Variants in AGBL4 observed in about 807,000 individuals in gnomAD.
The protein encoded by AGBL4 is cytosolic carboxypeptidase 6.
In AGBL4, 58 loss-of-function variants were observed where a neutral mutation model predicts 66.4. The ratio of observed to expected loss-of-function variants is 0.87; its 90% CI spans 0.71 to 1.09. AGBL4 has a LOEUF of 1.09. Ranked by LOEUF, AGBL4 falls within the 50% of genes least tolerant of loss-of-function variation. AGBL4 has a pLI of 0.00. For synonymous variants in AGBL4, 234 were observed against 222.9 expected (o/e 1.05, Z -0.44); for missense variants, 579 against 631.0 (o/e 0.92, Z 0.88).
chr1:48,576,734 G>A (rs942124458), intron 11 of AGBL4, among the ~76,000 whole-genome samples: 8 of 152,134 alleles, frequency 5.3e-5, no homozygotes, highest in South Asian at 2.1e-4. Flanking sequence ...TCCCAGGGTC[G>A]TTGACATAAC....
chr1:48,569,238 C>T (rs147170709), intron 11 of AGBL4, among the ~76,000 whole-genome samples: 14 of 152,308 alleles, frequency 9.2e-5, no homozygotes, highest in South Asian at 4.2e-4. Flanking sequence ...AATGTCTGAT[C>T]AGGGAAGAAT....
rs1465749349 is a variant in AGBL4, at chr1:49,561,878, G to T, written c.282+135435C>A. 2.0e-5 allele frequency among the ~76,000 whole-genome samples: 3 copies of T among 152,028 alleles called. No homozygotes were observed. In the East Asian group the frequency reaches 5.8e-4, roughly 29 times the overall value. On this transcript the variant is annotated intron_variant, in intron 3 of 13. Coordinates refer to ENST00000371839, the MANE Select transcript of AGBL4 (RefSeq NM_032785.4). ...TCTAGTTCTAGATCCCTGAGGAATT[G>T]CCACACTGACTTCCACAATGGTTGA...
chr1:49,896,209 A>G (rs1208654998), intron 1 of AGBL4, among the ~76,000 whole-genome samples: 1 of 152,126 alleles, frequency 6.6e-6, no homozygotes, highest in Non-Finnish European at 1.5e-5. Flanking sequence ...ATATGTACCC[A>G]ATATTGGAGA....
At position 49,214,540 on chromosome 1, in the gene AGBL4, G is replaced by C. The variant is rs1014077186; in HGVS notation, c.377+31230C>G. 2.0e-5 allele frequency among the ~76,000 whole-genome samples: 3 copies of C among 152,072 alleles called. No individual in the cohort carries two copies. In the East Asian group the frequency reaches 5.8e-4, roughly 29 times the overall value. ...GCTCAACATGTTGAGATACAGACTTGAGCACCAGTCTTATCCAGTCCTGTG... is the reference window on the plus strand; with the variant it reads ...GCTCAACATGTTGAGATACAGACTTCAGCACCAGTCTTATCCAGTCCTGTG... On this transcript the variant is annotated intron_variant, in intron 4 of 13. Transcript: ENST00000371839.
intron 5 of AGBL4, among the ~76,000 whole-genome samples, chr1:48,905,908 G>A (rs1652542700): frequency 6.6e-6 from 1 of 152,140 alleles, no homozygotes; most frequent in Non-Finnish European, 1.5e-5. Context: ...CACTTCCAAT[G>A]TGCCAGACTC....
At chr1:48,554,571 A>G (rs1644294037) in intron 11 of AGBL4, among the ~76,000 whole-genome samples, 3 of 152,134 alleles carry the variant, frequency 2.0e-5, no homozygotes, top group South Asian at 4.1e-4. Flanking sequence ...TTAAATCCCA[A>G]TCTTTAGGAC....
chr1:49,244,494 G>A (rs933057102), intron 4 of AGBL4, among the ~76,000 whole-genome samples: 1 of 151,684 alleles, frequency 6.6e-6, no homozygotes, highest in African/African-American at 2.4e-5. Flanking sequence ...GTCATCAAAT[G>A]CCTACACTTT....
chr1:49,181,160 G>A (rs770271325), intron 4 of AGBL4, among the ~76,000 whole-genome samples: 7 of 150,714 alleles, frequency 4.6e-5, no homozygotes, highest in Non-Finnish European at 8.9e-5. Context: ...TCCTCAAAAT[G>A]CACTTTCTGC....
chr1:48,846,379 AAG>A (rs1646913893), intron 6 of AGBL4, among the ~76,000 whole-genome samples: 2 of 139,570 alleles, frequency 1.4e-5, no homozygotes, highest in African/African-American at 3.1e-5. Flanking sequence ...GAAAGAAAGA[AAG>A]AAAGAAAGAA....
chr1:48,641,452 G>A (rs1288379543), intron 8 of AGBL4, among the ~76,000 whole-genome samples: 6 of 152,046 alleles, frequency 3.9e-5, no homozygotes, highest in Non-Finnish European at 8.8e-5. Context: ...TCATCATGAC[G>A]AGGAGATGTC....
At chr1:48,768,233 G>A (rs1644629017) in intron 6 of AGBL4, among the ~76,000 whole-genome samples, 1 of 152,064 alleles carries the variant, frequency 6.6e-6, no homozygotes, top group South Asian at 2.1e-4. Flanking sequence ...CCAAGATCTT[G>A]CCTACACCCT....
chr1:49,162,561 G>A lies in AGBL4; in HGVS notation c.377+83209C>T, dbSNP rs12096630. Among the ~76,000 whole-genome samples, 315 of 152,280 alleles carry A rather than the reference G, an allele frequency of 2.1e-3. 5 individuals are homozygous for A. The highest frequency in any genetic ancestry group is 7.1e-3 in the African/African-American group (293 of 41,558). On this transcript the variant is annotated intron_variant, in intron 4 of 13. Coordinates refer to ENST00000371839, the MANE Select transcript of AGBL4 (RefSeq NM_032785.4). ...TTAGTATTTATATTTTCATGGAACT[G>A]CCTTCAAGTTGATCTTTCATGAATG...
At chr1:48,527,549 ATCGTGCCACT>A in the AGBL4 span, among the ~76,000 whole-genome samples, 1 of 151,738 alleles carries the variant, frequency 6.6e-6, no homozygotes, top group South Asian at 2.1e-4. Context: ...GTGAGCTGAG[ATCGTGCCACT>A]GTACTCCAGC....
At chr1:49,085,443 T>C (rs981183218) in intron 4 of AGBL4, among the ~76,000 whole-genome samples, 5 of 152,000 alleles carry the variant, frequency 3.3e-5, no homozygotes, top group Non-Finnish European at 7.4e-5. Context: ...AGGTAGCAGC[T>C]TGTGGGACTT....
At chr1:48,853,602 T>C (rs1277205569) in intron 6 of AGBL4, among the ~76,000 whole-genome samples, 1 of 152,192 alleles carries the variant, frequency 6.6e-6, no homozygotes, top group East Asian at 1.9e-4. Context: ...CACTGAAAAC[T>C]TAATAGGCCT....
intron 3 of AGBL4, among the ~76,000 whole-genome samples, chr1:49,667,849 C>A (rs1646399692): frequency 1.3e-5 from 2 of 152,168 alleles, no homozygotes; most frequent in South Asian, 4.1e-4. Context: ...AGAACAGAGA[C>A]ATGAAAGACC....
chr1:49,781,617 A>G (rs1644339361), intron 2 of AGBL4, among the ~76,000 whole-genome samples: 2 of 152,162 alleles, frequency 1.3e-5, no homozygotes, highest in South Asian at 4.1e-4. Flanking sequence ...CAGAGAAAAC[A>G]TAACACTATA....
At chr1:49,913,301 C>A (rs1488043761) in intron 1 of AGBL4, among the ~76,000 whole-genome samples, 1 of 152,228 alleles carries the variant, frequency 6.6e-6, no homozygotes, top group Non-Finnish European at 1.5e-5. Context: ...TAGACATTCC[C>A]ATTCCAAAAA....
intron 4 of AGBL4, among the ~76,000 whole-genome samples, chr1:49,207,590 C>CTTTCTTTCTTTCTTTCTTTCTT (rs1557729987): frequency 9.4e-6 from 1 of 106,640 alleles, no homozygotes; most frequent in Admixed American, 1.0e-4. Context: ...TTCTTTCTTT[C>CTTTCTTTCTTTCTTTCTTTCTT]TTTCTTTCTT....
Sources: allele counts gnomAD v4.1 joint callset (sites outside exome capture counted in the v4.1 genomes callset), GRCh38; gene constraint gnomAD v4.1.1; transcripts MANE v1.5; gene names NCBI Gene and HGNC (gene_info 2026-07-23, HGNC 2026-07-21).